LRMDA: variants seen among roughly 807,000 people sequenced by gnomAD.
LRMDA encodes leucine-rich melanocyte differentiation-associated protein.
Under a neutral mutation model 29.8 loss-of-function variants are expected in LRMDA, and 18 were observed. The ratio of observed to expected loss-of-function variants is 0.60; its 90% CI spans 0.42 to 0.90. The LOEUF is 0.90. Among genes scored for constraint, LRMDA ranks in the 40% least tolerant of loss-of-function variants. The pLI is 0.00. For missense variants in LRMDA, 273 were observed against 273.9 expected, an observed-to-expected ratio of 1.00 and a Z score of 0.02; for synonymous variants, 125 against 109.4, an observed-to-expected ratio of 1.14 and a Z score of -0.89.
At chr10:75,650,241 A>G (rs751850046) in intron 2 of LRMDA, among the ~76,000 whole-genome samples, 7 of 152,096 alleles carry the variant, frequency 4.6e-5, no homozygotes, top group Admixed American at 1.3e-4. Context: ...TAAAAGTTTT[A>G]TCGTTTTCAT....
At chr10:75,801,630 C>T (rs1394295999) in intron 2 of LRMDA, among the ~76,000 whole-genome samples, 1 of 152,090 alleles carries the variant, frequency 6.6e-6, no homozygotes, top group Non-Finnish European at 1.5e-5. Context: ...AATGAGAAGC[C>T]CTGAGCAGGA....
At chr10:75,619,788 T>G (rs930457621) in intron 2 of LRMDA, among the ~76,000 whole-genome samples, 1 of 152,144 alleles carries the variant, frequency 6.6e-6, no homozygotes, top group African/African-American at 2.4e-5. Flanking sequence ...CTCTGCAAAC[T>G]GTACTCTGGT....
At chr10:75,663,713 G>T (rs1040381588) in intron 2 of LRMDA, among the ~76,000 whole-genome samples, 3 of 152,242 alleles carry the variant, frequency 2.0e-5, no homozygotes, top group South Asian at 2.1e-4. Flanking sequence ...TTTTTGTCCT[G>T]GTTCTTTTCT....
At chr10:75,560,008 C>T (rs1393636208) in intron 2 of LRMDA, among the ~76,000 whole-genome samples, 6 of 150,680 alleles carry the variant, frequency 4.0e-5, no homozygotes, top group Non-Finnish European at 7.4e-5. Context: ...ATTGGCTTGG[C>T]GATGTGGGCT....
intron 5 of LRMDA, among the ~76,000 whole-genome samples, chr10:76,241,357 C>G (rs897175422): frequency 2.0e-5 from 3 of 152,184 alleles, no homozygotes; most frequent in Non-Finnish European, 4.4e-5. Context: ...AGGTTCCCAA[C>G]CAACCTTTTA....
At chr10:76,518,793 A>G (rs1378569323) in intron 6 of LRMDA, among the ~76,000 whole-genome samples, 1 of 152,212 alleles carries the variant, frequency 6.6e-6, no homozygotes, top group African/African-American at 2.4e-5. Flanking sequence ...ACAGAACAAA[A>G]AAAGATATAA....
intron 2 of LRMDA, among the ~76,000 whole-genome samples, chr10:75,528,026 T>G (rs764341078): frequency 1.3e-5 from 2 of 152,006 alleles, no homozygotes; most frequent in Non-Finnish European, 1.5e-5. Flanking sequence ...GCTCAAGCAA[T>G]CTACCTGTCT....
At chr10:76,218,848 CCTTTCTTGTGGGTTG>C (rs1186151398) in intron 5 of LRMDA, among the ~76,000 whole-genome samples, 1 of 152,160 alleles carries the variant, frequency 6.6e-6, no homozygotes, top group Non-Finnish European at 1.5e-5. Context: ...TGATAGGGTT[CCTTTCTTGTGGGTTG>C]GTGTTAGACA....
chr10:76,427,403 TTGTC>T (rs1842139861), intron 6 of LRMDA, among the ~76,000 whole-genome samples: 1 of 152,146 alleles, frequency 6.6e-6, no homozygotes, highest in Non-Finnish European at 1.5e-5. Flanking sequence ...GGCTCTCTGT[TTGTC>T]TGTTATTGGT....
rs1409036979 is a variant in LRMDA, at chr10:76,483,779, T to G, written c.602-73430T>G. 2.0e-5 allele frequency among the ~76,000 whole-genome samples: 3 copies of G among 151,760 alleles called. No individual in the cohort carries two copies. In the East Asian group the frequency reaches 5.8e-4, roughly 30 times the overall value. On this transcript the variant is annotated intron_variant, in intron 6 of 6. Transcript: ENST00000611255. Reference sequence around the variant, plus strand: ...TACCATAAGAAGCATTGCTTTATTTTCCATATTTAGGTCTAGAGTTAATCT... The same window carrying G: ...TACCATAAGAAGCATTGCTTTATTTGCCATATTTAGGTCTAGAGTTAATCT...
intron 5 of LRMDA, among the ~76,000 whole-genome samples, chr10:76,079,170 A>G (rs141949570): frequency 9.8e-5 from 15 of 152,332 alleles, no homozygotes; most frequent in African/African-American, 3.6e-4. Flanking sequence ...GATGAAGTCT[A>G]CAAATGTTAT....
chr10:76,248,823 G>T (rs1166359932), intron 5 of LRMDA, among the ~76,000 whole-genome samples: 1 of 152,172 alleles, frequency 6.6e-6, no homozygotes, highest in Non-Finnish European at 1.5e-5. Flanking sequence ...AGCATGTGTG[G>T]AAGGGCCTGT....
chr10:76,107,742 C>T (rs955377372), intron 5 of LRMDA, among the ~76,000 whole-genome samples: 7 of 152,132 alleles, frequency 4.6e-5, no homozygotes, highest in African/African-American at 1.4e-4. Context: ...TTAAATAGAC[C>T]TTTCTTTTTA....
chr10:76,014,091 G>GC (rs1414940849), intron 2 of LRMDA, among the ~76,000 whole-genome samples: 51 of 54,542 alleles, frequency 9.4e-4, no homozygotes, highest in African/African-American at 3.2e-3. Flanking sequence ...TGCTGTTTCT[G>GC]TTTAAAAAAA....
At chr10:75,776,102 G>T (rs753568329) in intron 2 of LRMDA, among the ~76,000 whole-genome samples, 9 of 152,198 alleles carry the variant, frequency 5.9e-5, no homozygotes, top group Non-Finnish European at 1.2e-4. Flanking sequence ...AAGCAGAGAA[G>T]AAGCTATTTA....
intron 3 of LRMDA, among the ~76,000 whole-genome samples, chr10:76,037,517 G>A (rs936752143): frequency 3.9e-5 from 6 of 152,184 alleles, no homozygotes; most frequent in African/African-American, 1.4e-4. Flanking sequence ...CTCAGATATT[G>A]TCTCAGTCAG....
chr10:76,078,166 A>AT, intron 5 of LRMDA, among the ~76,000 whole-genome samples: 1 of 151,246 alleles, frequency 6.6e-6, no homozygotes, highest in East Asian at 2.0e-4. Context: ...GTCCACCACG[A>AT]GTCCGGCTAA....
intron 5 of LRMDA, among the ~76,000 whole-genome samples, chr10:76,310,889 GT>G (rs1470078775): frequency 6.6e-6 from 1 of 152,210 alleles, no homozygotes; most frequent in East Asian, 1.9e-4. Flanking sequence ...AGTCAACAGA[GT>G]TTTAGGTCTT....
At chr10:75,565,908 C>G (rs1164220602) in intron 2 of LRMDA, among the ~76,000 whole-genome samples, 2 of 152,088 alleles carry the variant, frequency 1.3e-5, no homozygotes, top group African/African-American at 4.8e-5. Context: ...GACCACATCT[C>G]TATAAAAAAT....
Sources: gnomAD v4.1 joint callset for allele counts (sites outside exome capture counted in the v4.1 genomes callset) on GRCh38, gnomAD v4.1.1 for gene constraint, MANE v1.5 for transcripts, NCBI Gene and HGNC (gene_info 2026-07-23, HGNC 2026-07-21) for gene names.